Variants in DPP6 observed in about 807,000 individuals in gnomAD.
The protein encoded by DPP6 is A-type potassium channel modulatory protein DPP6.
DPP6 carries 69 observed loss-of-function variants against 122.6 expected under a neutral mutation model. That is an observed-to-expected ratio of 0.56 (90% CI 0.46 to 0.69). DPP6 has a LOEUF of 0.69. Among genes scored for constraint, DPP6 ranks in the 30% least tolerant of loss-of-function variants. DPP6 has a pLI of 0.00. For synonymous variants in DPP6, 418 were observed against 433.1 expected, an observed-to-expected ratio of 0.97 and a Z score of 0.43; for missense variants, 928 against 1,116.9, an observed-to-expected ratio of 0.83 and a Z score of 2.41.
intron 13 of DPP6, among the ~76,000 whole-genome samples, chr7:154,802,948 C>G (rs1798461384): frequency 6.6e-6 from 1 of 152,206 alleles, no homozygotes; most frequent in South Asian, 2.1e-4. Context: ...AACATTCCAG[C>G]AGGAAGCAGG....
chr7:154,262,668 A>T (rs897977839), intron 1 of DPP6, among the ~76,000 whole-genome samples: 7 of 151,676 alleles, frequency 4.6e-5, no homozygotes, highest in Admixed American at 2.0e-4. Flanking sequence ...AAAAAAAAAA[A>T]AAAAGACTAG....
the DPP6 span, among the ~76,000 whole-genome samples, chr7:153,810,937 G>A: frequency 6.6e-6 from 1 of 152,272 alleles, no homozygotes; most frequent in African/African-American, 2.4e-5. Context: ...TTGATGAACT[G>A]TTCTATTAGT....
intron 1 of DPP6, among the ~76,000 whole-genome samples, chr7:153,916,862 G>A (rs1031412240): frequency 5.3e-5 from 8 of 152,128 alleles, no homozygotes; most frequent in African/African-American, 1.9e-4. Flanking sequence ...AGAATTTCTG[G>A]TGAGTTTTCT....
the DPP6 span, among the ~76,000 whole-genome samples, chr7:153,847,805 C>T: frequency 6.6e-6 from 1 of 152,116 alleles, no homozygotes; most frequent in South Asian, 2.1e-4. Flanking sequence ...GTGTTTTTTG[C>T]ATGCGTCTGC....
intron 10 of DPP6, among the ~76,000 whole-genome samples, chr7:154,790,588 C>T (rs1443540223): frequency 6.6e-6 from 1 of 151,946 alleles, no homozygotes; most frequent in Non-Finnish European, 1.5e-5. Flanking sequence ...TTTAAAAATT[C>T]ATATTACACA....
intron 1 of DPP6, among the ~76,000 whole-genome samples, chr7:154,005,397 G>A (rs1797869873): frequency 6.6e-6 from 1 of 152,032 alleles, no homozygotes; most frequent in Non-Finnish European, 1.5e-5. Flanking sequence ...ACAGAGAAAG[G>A]TCGAACGCTT....
chr7:154,392,668 T>C (rs1413010049), intron 1 of DPP6, among the ~76,000 whole-genome samples: 1 of 152,208 alleles, frequency 6.6e-6, no homozygotes, highest in Non-Finnish European at 1.5e-5. Flanking sequence ...CTCAGTTAAT[T>C]AGAAAATTAA....
At chr7:154,543,395 T>C (rs1369737585) in intron 4 of DPP6, among the ~76,000 whole-genome samples, 1 of 152,188 alleles carries the variant, frequency 6.6e-6, no homozygotes, top group Non-Finnish European at 1.5e-5. Context: ...TACCAAAGCC[T>C]GTTTGCCTCC....
chr7:154,384,003 C>A (rs959530881), intron 1 of DPP6, among the ~76,000 whole-genome samples: 2 of 152,062 alleles, frequency 1.3e-5, no homozygotes, highest in Non-Finnish European at 2.9e-5. Flanking sequence ...CCCAGCATCA[C>A]GGTGATGGCC....
chr7:153,887,327 C>T, exon 1 of DPP6: 1 of 181,670 alleles, frequency 5.5e-6, no homozygotes, highest in South Asian at 1.5e-4. Flanking sequence ...GCTCGGTGGA[C>T]ACGCGCGCAG....
At chr7:154,810,292 T>A (rs1301736009) in intron 16 of DPP6, among the ~76,000 whole-genome samples, 1 of 152,154 alleles carries the variant, frequency 6.6e-6, no homozygotes, top group African/African-American at 2.4e-5. Flanking sequence ...GCTGCAGCCC[T>A]GGGTTGAAAT....
At chr7:154,421,311 G>C (rs1417977400) in intron 1 of DPP6, among the ~76,000 whole-genome samples, 2 of 114,662 alleles carry the variant, frequency 1.7e-5, no homozygotes, top group Non-Finnish European at 3.4e-5. Flanking sequence ...TTGCATGTCA[G>C]TTTCTTTTTT....
intron 1 of DPP6, among the ~76,000 whole-genome samples, chr7:154,176,222 A>T (rs1797795769): frequency 6.6e-6 from 1 of 152,230 alleles, no homozygotes; most frequent in Admixed American, 6.5e-5. Flanking sequence ...AATCGGTTGC[A>T]TTCTCAGGAA....
At chr7:154,229,133 C>A (rs1203050410) in intron 1 of DPP6, among the ~76,000 whole-genome samples, 1 of 152,048 alleles carries the variant, frequency 6.6e-6, no homozygotes. Flanking sequence ...AGTTATTTGG[C>A]CCTCCAGAAA....
At position 154,611,855 on chromosome 7, in the gene DPP6, A is replaced by ATATG. The variant is rs1554409089; in HGVS notation, c.628-25965_628-25964insATGT. ...AGATTTCTCCATTTTGCTTTCATATATGTGTGTGTGTGTGTGTGTGTGTGG... is the reference window on the plus strand; with the variant it reads ...AGATTTCTCCATTTTGCTTTCATATATATGTGTGTGTGTGTGTGTGTGTGTGTGG... On this transcript the variant is annotated intron_variant, in intron 5 of 25. Coordinates refer to ENST00000377770, the MANE Select transcript of DPP6 (RefSeq NM_130797.4). 2.9e-4 allele frequency among the ~76,000 whole-genome samples: 21 copies of ATATG among 72,436 alleles called. No individual in the cohort carries two copies. In the East Asian group the frequency reaches 0.021, roughly 72 times the overall value. The allele number at this position is 72,436 out of a possible 152,430, so 47.5% of individuals were successfully genotyped here.
At chr7:154,476,411 C>T (rs1002685188) in intron 3 of DPP6, among the ~76,000 whole-genome samples, 6 of 152,318 alleles carry the variant, frequency 3.9e-5, no homozygotes, top group Non-Finnish European at 8.8e-5. Flanking sequence ...ACTGTATGTT[C>T]GTGTACACCC....
chr7:154,653,036 G>C lies in DPP6; in HGVS notation c.680+15163G>C, dbSNP rs560843431. On this transcript the variant is annotated intron_variant, in intron 6 of 25. Transcript: ENST00000377770. ...AGTGTTCCCCTGTCTCCCAGGCTGGGGTCTCATGGCTCTTGCCACAGGCCA... is the reference window on the plus strand; with the variant it reads ...AGTGTTCCCCTGTCTCCCAGGCTGGCGTCTCATGGCTCTTGCCACAGGCCA... Among the ~76,000 whole-genome samples the C allele has an allele frequency of 2.6e-5, 4 of 152,212 alleles. No homozygotes were observed. In the South Asian group the frequency reaches 8.3e-4, roughly 32 times the overall value.
At chr7:154,708,372 C>T (rs563416717) in intron 7 of DPP6, among the ~76,000 whole-genome samples, 1 of 152,314 alleles carries the variant, frequency 6.6e-6, no homozygotes, top group African/African-American at 2.4e-5. Flanking sequence ...CAGTGTTCAC[C>T]TATGCTCCCG....
Position 154,030,774 on chromosome 7 carries a change from C to A in DPP6, c.51+143040C>A, listed in dbSNP as rs547253291. On this transcript the variant is annotated intron_variant, in intron 1 of 25. Transcript: ENST00000404039. ...CCCAGCCATAGGAAAACCTTCCCCCCAGAAGTCCCTGGTGACCACTCACAC... is the reference window on the plus strand; with the variant it reads ...CCCAGCCATAGGAAAACCTTCCCCCAAGAAGTCCCTGGTGACCACTCACAC... Among the ~76,000 whole-genome samples the A allele has an allele frequency of 3.9e-5, 6 of 152,284 alleles. No individual in the cohort carries two copies. In the South Asian group the frequency reaches 1.2e-3, roughly 32 times the overall value.
Sources: gnomAD v4.1 joint callset for allele counts (sites outside exome capture counted in the v4.1 genomes callset) on GRCh38, gnomAD v4.1.1 for gene constraint, MANE v1.5 for transcripts, NCBI Gene and HGNC (gene_info 2026-07-23, HGNC 2026-07-21) for gene names.